PCDHA5: variants seen among roughly 807,000 people sequenced by gnomAD.
PCDHA5 encodes protocadherin alpha-5.
In PCDHA5, 43 loss-of-function variants were observed where a neutral mutation model predicts 61.6. The observed-to-expected ratio is 0.70, with a 90% CI of 0.55 to 0.90. The LOEUF (loss-of-function observed/expected upper bound fraction) is 0.90, where lower values mean the gene tolerates loss of function less well. PCDHA5 is among the 40% of genes least tolerant of loss of function. The pLI is 0.00. For synonymous variants in PCDHA5, 627 were observed against 543.9 expected (o/e 1.15, Z -2.13); for missense variants, 1,298 against 1,222.7 (o/e 1.06, Z -0.92).
intron 1 of PCDHA5, chr5:140,863,472 T>C: frequency 2.0e-6 from 1 of 490,440 alleles, no homozygotes; most frequent in Non-Finnish European, 4.0e-6. Context: ...CTCTGGAGAG[T>C]CGCCTCCCAA....
intron 3 of PCDHA5, among the ~76,000 whole-genome samples, chr5:140,999,527 C>G (rs578180518): frequency 6.6e-6 from 1 of 152,088 alleles, no homozygotes; most frequent in Non-Finnish European, 1.5e-5. Context: ...TTGTTACCCC[C>G]TGGATATGAC....
intron 1 of PCDHA5, among the ~76,000 whole-genome samples, chr5:140,880,863 T>C (rs1312869588): frequency 6.6e-6 from 1 of 152,170 alleles, no homozygotes; most frequent in Non-Finnish European, 1.5e-5. Flanking sequence ...TCTAATTATG[T>C]GAAGAGGTAA....
chr5:140,840,493 T>C (rs2150307373), intron 1 of PCDHA5, among the ~76,000 whole-genome samples: 1 of 152,054 alleles, frequency 6.6e-6, no homozygotes, highest in Non-Finnish European at 1.5e-5. Context: ...ATAATTCTGG[T>C]AAATACTCAC....
intron 1 of PCDHA5, chr5:140,854,422 A>G (rs1322655400): frequency 1.3e-5 from 2 of 151,676 alleles, no homozygotes; most frequent in African/African-American, 4.9e-5. Flanking sequence ...AATCTCTAAA[A>G]TCAGAATTTG....
intron 1 of PCDHA5, among the ~76,000 whole-genome samples, chr5:140,947,620 T>C (rs1554218262): frequency 6.6e-6 from 1 of 151,706 alleles, no homozygotes; most frequent in African/African-American, 2.4e-5. Flanking sequence ...CTTAACAATA[T>C]TGAGTCATCA....
intron 1 of PCDHA5, chr5:140,967,561 G>T: frequency 6.2e-7 from 1 of 1,614,076 alleles, no homozygotes; most frequent in Non-Finnish European, 8.5e-7. Flanking sequence ...ATCGCGTCCA[G>T]CTACGGGAGG....
chr5:140,848,691 T>A (rs1554142358), intron 1 of PCDHA5: 1 of 1,591,900 alleles, frequency 6.3e-7, no homozygotes, highest in Non-Finnish European at 8.6e-7. Flanking sequence ...CCTGTTCCAG[T>A]TGGATTCCAA....
intron 1 of PCDHA5, chr5:140,869,272 G>A: frequency 6.2e-7 from 1 of 1,613,572 alleles, no homozygotes; most frequent in Non-Finnish European, 8.5e-7. Flanking sequence ...GCTGGAGCTG[G>A]CGGAGCTGGT....
chr5:140,909,767 G>A (rs114075983), intron 1 of PCDHA5, among the ~76,000 whole-genome samples: 11,557 of 152,088 alleles, frequency 0.076, 504 homozygotes, highest in Middle Eastern at 0.14. Context: ...TGAGTCCAGG[G>A]ACCCACTGGA....
intron 1 of PCDHA5, chr5:140,968,016 A>G: frequency 6.2e-7 from 1 of 1,613,240 alleles, no homozygotes; most frequent in Non-Finnish European, 8.5e-7. Flanking sequence ...GGCTTTGGAA[A>G]CTCCTATACA....
intron 1 of PCDHA5, among the ~76,000 whole-genome samples, chr5:140,911,672 C>T (rs1010402307): frequency 2.6e-5 from 4 of 152,154 alleles, no homozygotes; most frequent in Non-Finnish European, 5.9e-5. Flanking sequence ...TTGCCTCTCA[C>T]GAACCGTGCA....
intron 1 of PCDHA5, chr5:140,836,708 C>G: frequency 6.2e-7 from 1 of 1,613,192 alleles, no homozygotes; most frequent in Non-Finnish European, 8.5e-7. Flanking sequence ...TCAGTCCCAG[C>G]CTTCCTCAGG....
At chr5:140,891,196 A>C (rs1043715116) in intron 1 of PCDHA5, among the ~76,000 whole-genome samples, 5 of 151,974 alleles carry the variant, frequency 3.3e-5, no homozygotes, top group Non-Finnish European at 7.4e-5. Context: ...GATATTTTGC[A>C]GTTTTACCAT....
rs781845787 is a variant in PCDHA5, at chr5:140,884,003, G to C, written c.2352+59876G>C. 7.4e-6 allele frequency: 12 copies of C among 1,613,086 alleles called. No homozygotes were observed. In the South Asian group the frequency reaches 1.3e-4, roughly 18 times the overall value. ...TGGCAGCGCGGGAGGCACAGTGAGC[G>C]AGCTGATGCCGCGGTCGGTGGGTGC... On this transcript the variant is annotated intron_variant, in intron 1 of 3. Transcript: ENST00000529859.
intron 1 of PCDHA5, chr5:140,830,847 A>G (rs1474547924): frequency 6.5e-6 from 1 of 153,834 alleles, no homozygotes; most frequent in Non-Finnish European, 1.4e-5. Context: ...TTTTACATAT[A>G]CTCTTTTTTG....
At chr5:140,956,403 A>C (rs1475566345) in intron 1 of PCDHA5, among the ~76,000 whole-genome samples, 1 of 152,178 alleles carries the variant, frequency 6.6e-6, no homozygotes, top group African/African-American at 2.4e-5. Context: ...ATCCATTGAG[A>C]TAATCATGTG....
intron 1 of PCDHA5, among the ~76,000 whole-genome samples, chr5:140,934,050 C>T (rs558726288): frequency 6.6e-6 from 1 of 151,952 alleles, no homozygotes; most frequent in East Asian, 1.9e-4. Flanking sequence ...TTAGTCTTTC[C>T]AAGGCTAACT....
chr5:140,882,072 T>A (rs1340000642), intron 1 of PCDHA5: 5 of 861,462 alleles, frequency 5.8e-6, no homozygotes, highest in Non-Finnish European at 7.0e-6. Flanking sequence ...TTCATGCGCA[T>A]GGTGTCGCTC....
At chr5:140,982,409 G>A (rs1554244106) in intron 2 of PCDHA5, 66 bp from the exon 3 acceptor site, 20 of 1,608,038 alleles carry the variant, frequency 1.2e-5, no homozygotes, top group Non-Finnish European at 1.6e-5. Flanking sequence ...CAATTTCTGA[G>A]GGTGGAAGAA....
Sources: allele counts gnomAD v4.1 joint callset (sites outside exome capture counted in the v4.1 genomes callset), GRCh38; gene constraint gnomAD v4.1.1; transcripts MANE v1.5; gene names NCBI Gene and HGNC (gene_info 2026-07-23, HGNC 2026-07-21).